ENTREP2: variants seen among roughly 807,000 people sequenced by gnomAD.
ENTREP2 encodes the protein endosomal transmembrane epsin interactor 2, also known as protein ENTREP2.
At chr15:29,409,855 C>T in the ENTREP2 span, among the ~76,000 whole-genome samples, 1 of 152,192 alleles carries the variant, frequency 6.6e-6, no homozygotes, top group African/African-American at 2.4e-5. Context: ...CATGATTCCA[C>T]CAACTCAAGC....
At chr15:29,207,958 C>T in the ENTREP2 span, among the ~76,000 whole-genome samples, 1 of 152,166 alleles carries the variant, frequency 6.6e-6, no homozygotes, top group East Asian at 1.9e-4. Flanking sequence ...CAGTGGGGGT[C>T]ACCCCACCTT....
At chr15:29,199,866 T>C in the ENTREP2 span, among the ~76,000 whole-genome samples, 1 of 152,230 alleles carries the variant, frequency 6.6e-6, no homozygotes, top group Non-Finnish European at 1.5e-5. Context: ...TTACATTTGA[T>C]TGCATGACCC....
At chr15:29,629,891 T>C in the ENTREP2 span, among the ~76,000 whole-genome samples, 4 of 152,070 alleles carry the variant, frequency 2.6e-5, no homozygotes, top group African/African-American at 9.7e-5. Context: ...CCAAAGCAGG[T>C]GGATCACTTG....
chr15:29,355,388 A>AT, the ENTREP2 span, among the ~76,000 whole-genome samples: 10 of 151,762 alleles, frequency 6.6e-5, no homozygotes, highest in African/African-American at 2.4e-4. Flanking sequence ...CTGGACAGTA[A>AT]TTTGAGTTTT....
the ENTREP2 span, among the ~76,000 whole-genome samples, chr15:29,359,710 C>T: frequency 1.3e-5 from 2 of 152,128 alleles, no homozygotes; most frequent in African/African-American, 4.8e-5. Flanking sequence ...TGTGCTCAGC[C>T]AGTTTCAATC....
chr15:29,122,034 C>T, the ENTREP2 span: 115,442 of 152,312 alleles, frequency 0.76, 46,471 homozygotes, highest in Middle Eastern at 0.91. Context: ...GGTCCCCCTG[C>T]GCCCCCATGC....
the ENTREP2 span, among the ~76,000 whole-genome samples, chr15:29,163,901 A>T: frequency 6.6e-6 from 1 of 152,210 alleles, no homozygotes; most frequent in Non-Finnish European, 1.5e-5. Context: ...AAAGAATTTT[A>T]AGAGCTGTGA....
the ENTREP2 span, among the ~76,000 whole-genome samples, chr15:29,587,139 G>A: frequency 0.076 from 990 of 13,038 alleles, 8 homozygotes; most frequent in Non-Finnish European, 0.086. Flanking sequence ...GTAGCTAACC[G>A]TGTGTGTGTG....
chr15:29,196,485 G>A, the ENTREP2 span: 46 of 1,551,548 alleles, frequency 3.0e-5, no homozygotes, highest in Admixed American at 6.5e-4. Context: ...CAGCTTCAGC[G>A]TCTCCCCGAG....
chr15:29,286,094 G>A, the ENTREP2 span, among the ~76,000 whole-genome samples: 1 of 152,098 alleles, frequency 6.6e-6, no homozygotes, highest in Non-Finnish European at 1.5e-5. Context: ...AACATCATAT[G>A]TAAAATAATG....
the ENTREP2 span, among the ~76,000 whole-genome samples, chr15:29,447,892 G>A: frequency 9.4e-3 from 1,435 of 151,902 alleles, 18 homozygotes; most frequent in Admixed American, 0.029. Context: ...GTGAAACTCC[G>A]TCTCTGCTAA....
At chr15:29,505,950 A>T in the ENTREP2 span, among the ~76,000 whole-genome samples, 1 of 152,096 alleles carries the variant, frequency 6.6e-6, no homozygotes, top group Non-Finnish European at 1.5e-5. This position sits in a 1 kb window ranked among gnomAD's most constrained non-coding sequence, Gnocchi z 4.3. Context: ...AAAATGGGTA[A>T]TAACAAACTC....
the ENTREP2 span, among the ~76,000 whole-genome samples, chr15:29,433,550 T>C: frequency 6.6e-6 from 1 of 152,268 alleles, no homozygotes. Context: ...AAATGCATTC[T>C]TTCAAGCCAA....
At chr15:29,387,853 A>G in the ENTREP2 span, among the ~76,000 whole-genome samples, 2 of 152,240 alleles carry the variant, frequency 1.3e-5, no homozygotes, top group Non-Finnish European at 2.9e-5. Flanking sequence ...AAACCTGACA[A>G]AAACAAGAAA....
At chr15:29,211,733 G>C in the ENTREP2 span, among the ~76,000 whole-genome samples, 593 of 152,290 alleles carry the variant, frequency 3.9e-3, 2 homozygotes, top group African/African-American at 0.014. Flanking sequence ...CTGTTGAGAT[G>C]ATCATGTGAT....
chr15:29,264,928 A>G, the ENTREP2 span: 1 of 152,192 alleles, frequency 6.6e-6, no homozygotes, highest in South Asian at 2.1e-4. Context: ...AAAATGCAAG[A>G]ATGTTTAGAT....
the ENTREP2 span, among the ~76,000 whole-genome samples, chr15:29,351,931 G>A: frequency 0.089 from 13,465 of 150,594 alleles, 798 homozygotes; most frequent in Non-Finnish European, 0.12. Context: ...GAGCCACCAC[G>A]TCCAACTAAT....
At chr15:29,566,018 C>T in the ENTREP2 span, among the ~76,000 whole-genome samples, 2 of 151,526 alleles carry the variant, frequency 1.3e-5, no homozygotes, top group African/African-American at 2.4e-5. Flanking sequence ...AATTCTAATA[C>T]ATTTTATGAT....
the ENTREP2 span, among the ~76,000 whole-genome samples, chr15:29,297,743 A>G: frequency 6.6e-6 from 1 of 152,226 alleles, no homozygotes; most frequent in Non-Finnish European, 1.5e-5. Flanking sequence ...ACACAGGAAC[A>G]TTTTGAACTG....
Sources: gnomAD v4.1 joint callset for allele counts (sites outside exome capture counted in the v4.1 genomes callset) on GRCh38, gnomAD v4.1.1 for gene constraint, Gnocchi (gnomAD v3.1) non-coding constraint, MANE v1.5 for transcripts, NCBI Gene and HGNC (gene_info 2026-07-23, HGNC 2026-07-21) for gene names.